ANKFN1: variants seen among roughly 807,000 people sequenced by gnomAD.
ANKFN1 encodes ankyrin repeat and fibronectin type III domain containing 1.
Under a neutral mutation model 108.7 loss-of-function variants are expected in ANKFN1, and 74 were observed. The ratio of observed to expected loss-of-function variants is 0.68; its 90% CI spans 0.56 to 0.83. The LOEUF is 0.83. ANKFN1 is among the 40% of genes least tolerant of loss of function. ANKFN1 has a pLI of 0.00. For synonymous variants in ANKFN1, 547 were observed against 516.2 expected (o/e 1.06, Z -0.81); for missense variants, 1,505 against 1,382.3 (o/e 1.09, Z -1.41).
At chr17:56,254,824 G>A (rs2043318860) in intron 3 of ANKFN1, among the ~76,000 whole-genome samples, 1 of 152,176 alleles carries the variant, frequency 6.6e-6, no homozygotes, top group Non-Finnish European at 1.5e-5. Context: ...GGAGGCTGAT[G>A]AAGGAGTGAA....
intron 3 of ANKFN1, among the ~76,000 whole-genome samples, chr17:56,277,824 G>A (rs189631485): frequency 1.5e-3 from 233 of 152,256 alleles, no homozygotes; most frequent in African/African-American, 5.4e-3. Flanking sequence ...AGCAGTATAG[G>A]TATATGTTTA....
chr17:56,305,391 A>G (rs2044792501), intron 3 of ANKFN1, among the ~76,000 whole-genome samples: 1 of 152,116 alleles, frequency 6.6e-6, no homozygotes, highest in Non-Finnish European at 1.5e-5. Context: ...TGTTGAATAT[A>G]ATTTCACATA....
intron 1 of ANKFN1, among the ~76,000 whole-genome samples, chr17:56,177,468 A>G (rs985778877): frequency 4.6e-5 from 7 of 151,894 alleles, no homozygotes; most frequent in Non-Finnish European, 1.0e-4. Flanking sequence ...CAAGCTGGAG[A>G]CTCCTGTTCC....
intron 4 of ANKFN1, among the ~76,000 whole-genome samples, chr17:56,050,463 T>C (rs1189800544): frequency 3.1e-5 from 4 of 130,114 alleles, no homozygotes; most frequent in African/African-American, 1.2e-4. Flanking sequence ...ATGAAGTCCT[T>C]GCCCATGCCT....
chr17:56,113,210 T>C (rs1906074490), intron 4 of ANKFN1, among the ~76,000 whole-genome samples: 1 of 152,186 alleles, frequency 6.6e-6, no homozygotes, highest in Admixed American at 6.5e-5. Context: ...CCAATGCTGA[T>C]TTCCGCTGCT....
intron 1 of ANKFN1, chr17:56,195,211 T>G (rs894466074): frequency 6.6e-6 from 1 of 152,358 alleles, no homozygotes; most frequent in Non-Finnish European, 1.5e-5. Flanking sequence ...ATGGCTTTTT[T>G]GGTGCTCCCA....
chr17:56,207,980 C>G (rs977986619), intron 1 of ANKFN1, among the ~76,000 whole-genome samples: 34 of 152,144 alleles, frequency 2.2e-4, no homozygotes, highest in African/African-American at 8.2e-4. Flanking sequence ...AATATTGTAG[C>G]CCAGACTGGC....
At position 56,510,493 on chromosome 17, in the gene ANKFN1, G is replaced by T. The variant is rs1336899210; in HGVS notation, c.2665G>T (p.Glu889Ter). 1 of 1,535,996 alleles carries T rather than the reference G, an allele frequency of 6.5e-7. No homozygotes were observed. Among genetic ancestry groups the T allele is most frequent in the Non-Finnish European group, 8.7e-7 (1 of 1,146,912 alleles). Reference sequence around the variant, plus strand: ...CGCAGATTCACAGCCCTGCTCTGATGAAGAAGCCTGCTCAGAAGTCTTCCT... The same window carrying T: ...CGCAGATTCACAGCCCTGCTCTGATTAAGAAGCCTGCTCAGAAGTCTTCCT... The part of the protein sequence containing the change: ...TVSDSQPCSD[E>*]EACSEVFLPT... Residue 889 changes from glutamate (E) to a stop codon, truncating the protein, a stop_gained, in exon 21 of 21, where the codon GAA (glutamate) becomes TAA (stop). Transcript: ENST00000682825. LOFTEE classifies it low-confidence loss of function (END_TRUNC).
intron 7 of ANKFN1, among the ~76,000 whole-genome samples, chr17:56,373,673 C>T (rs192879442): frequency 7.2e-5 from 11 of 152,332 alleles, no homozygotes; most frequent in African/African-American, 2.2e-4. Context: ...AATACCAAAT[C>T]TAGGCCTAAT....
chr17:56,191,948 C>T (rs1483063941), intron 1 of ANKFN1, among the ~76,000 whole-genome samples: 3 of 151,832 alleles, frequency 2.0e-5, no homozygotes, highest in Admixed American at 6.6e-5. Context: ...TCCCTTCTCG[C>T]TTCATTTCAT....
At chr17:56,209,468 G>A (rs917643328) in intron 1 of ANKFN1, among the ~76,000 whole-genome samples, 1 of 152,180 alleles carries the variant, frequency 6.6e-6, no homozygotes, top group Non-Finnish European at 1.5e-5. Flanking sequence ...TTACCCTAGT[G>A]TCAAAGAGAC....
At chr17:56,217,523 G>A (rs1157955046) in intron 2 of ANKFN1, among the ~76,000 whole-genome samples, 1 of 152,108 alleles carries the variant, frequency 6.6e-6, no homozygotes, top group Non-Finnish European at 1.5e-5. Flanking sequence ...TGACATTTTT[G>A]TTGTCACAAA....
rs562335637 is a variant in ANKFN1 at position 56,516,722 on chromosome 17, AGTT to A, written c.*5454_*5456del. Among the ~76,000 whole-genome samples the A allele has an allele frequency of 1.3e-3, 204 of 152,336 alleles. No individual in the cohort carries two copies. The highest frequency in any genetic ancestry group is 4.8e-3 in the African/African-American group (199 of 41,578). On this transcript the variant is annotated 3_prime_UTR_variant, in exon 21 of 21. Transcript: ENST00000682825. ...AGAGGTCAGGGATAAATGAGAATTAAGTTAATTTTTCTAATGGCAAGTATTTTT... is the reference window on the plus strand; with the variant it reads ...AGAGGTCAGGGATAAATGAGAATTAAAATTTTTCTAATGGCAAGTATTTTT...
At chr17:56,481,090 A>C (rs2050685570) in intron 17 of ANKFN1, among the ~76,000 whole-genome samples, 1 of 151,878 alleles carries the variant, frequency 6.6e-6, no homozygotes, top group East Asian at 1.9e-4. Context: ...AGCAAAAAAA[A>C]AAAAAAAAAA....
intron 10 of ANKFN1, among the ~76,000 whole-genome samples, chr17:56,446,940 G>T (rs938417173): frequency 6.6e-6 from 1 of 151,640 alleles, no homozygotes; most frequent in African/African-American, 2.4e-5. Context: ...CACTTTATAG[G>T]CCAGGCCAAC....
intron 19 of ANKFN1, among the ~76,000 whole-genome samples, 159 bp from the exon 20 acceptor site, chr17:56,498,721 AAG>A (rs1156620978): frequency 6.6e-6 from 1 of 152,210 alleles, no homozygotes; most frequent in African/African-American, 2.4e-5. Context: ...ATATTACAAA[AAG>A]AGAGGTATTT....
chr17:56,316,547 C>T (rs1337043096), intron 3 of ANKFN1, among the ~76,000 whole-genome samples: 2 of 152,044 alleles, frequency 1.3e-5, no homozygotes, highest in Non-Finnish European at 2.9e-5. Context: ...TAGCAGTTAG[C>T]CAAGGGTAGA....
intron 8 of ANKFN1, among the ~76,000 whole-genome samples, chr17:56,391,751 C>CT (rs1567967594): frequency 6.6e-6 from 1 of 152,062 alleles, no homozygotes. Context: ...TTAAGAGCTA[C>CT]TAAGTGATGT....
Position 56,162,045 on chromosome 17 carries a change from G to A in ANKFN1, c.-71+8515G>A, listed in dbSNP as rs1357230982. Among the ~76,000 whole-genome samples, 7 of 152,126 alleles carry A rather than the reference G, an allele frequency of 4.6e-5. No individual in the cohort carries two copies. The East Asian group carries it at 7.7e-4, about 17-fold the overall frequency. Reference sequence around the variant, plus strand: ...ACTTCAAAGTCAAAATCCCAGAAAAGAGTCTGATTGGCCTAGCTTGGGTCA... The same window carrying A: ...ACTTCAAAGTCAAAATCCCAGAAAAAAGTCTGATTGGCCTAGCTTGGGTCA... On this transcript the variant is annotated intron_variant, in intron 1 of 20. Coordinates refer to ENST00000682825, the MANE Select transcript of ANKFN1 (RefSeq NM_001370326.1).
Sources: gnomAD v4.1 joint callset for allele counts (sites outside exome capture counted in the v4.1 genomes callset) on GRCh38, gnomAD v4.1.1 for gene constraint, MANE v1.5 for transcripts, NCBI Gene and HGNC (gene_info 2026-07-23, HGNC 2026-07-21) for gene names.